ZNF462: variants seen among roughly 807,000 people sequenced by gnomAD.
ZNF462 encodes the protein zinc finger PBX1-interacting protein.
ZNF462 carries 10 observed loss-of-function variants against 201.9 expected under a neutral mutation model. The observed-to-expected ratio is 0.05, with a 90% CI of 0.03 to 0.08. The LOEUF (loss-of-function observed/expected upper bound fraction) is 0.08. ZNF462 is among the 10% of genes least tolerant of loss of function. The probability of loss-of-function intolerance (pLI) is 1.00; values close to 1 mark genes in which losing one functional copy is unlikely to be tolerated. For synonymous variants in ZNF462, 1,227 were observed against 1,193.3 expected, an observed-to-expected ratio of 1.03 and a Z score of -0.58; for missense variants, 2,523 against 3,168.3, an observed-to-expected ratio of 0.80 and a Z score of 4.89.
chr9:106,885,981 TG>T lies in ZNF462; in HGVS notation c.-31+22627del, dbSNP rs1218994200. On this transcript the variant is annotated intron_variant, in intron 1 of 12. Coordinates refer to ENST00000277225, the MANE Select transcript of ZNF462 (RefSeq NM_021224.6). The surrounding 1 kb of genome is among the most constrained non-coding windows in gnomAD (Gnocchi z 4.1). ...CCTCATCTAGATAGACGGGACTTTT[TG>T]TTTTCCCCAGGAAAAGGTAACGTAT... 6.6e-6 allele frequency among the ~76,000 whole-genome samples: 1 copy of T among 152,232 alleles called. No individual in the cohort carries two copies. The highest frequency in any genetic ancestry group is 1.5e-5 in the Non-Finnish European group (1 of 68,042).
rs1013187815 is a variant in ZNF462, at chr9:106,972,761, A to G, written c.6695+489A>G. Reference sequence around the variant, plus strand: ...GAATCAAGACCCTGGCACTTCCAACACTACACTTGAGCAATCATAGGGAGA... The same window carrying G: ...GAATCAAGACCCTGGCACTTCCAACGCTACACTTGAGCAATCATAGGGAGA... On this transcript the variant is annotated intron_variant, in intron 8 of 12. Coordinates refer to ENST00000277225, the MANE Select transcript of ZNF462 (RefSeq NM_021224.6). This position sits in a 1 kb window ranked among gnomAD's most constrained non-coding sequence, Gnocchi z 4.8. Among the ~76,000 whole-genome samples, 1 of 152,180 alleles carries G rather than the reference A, an allele frequency of 6.6e-6. No homozygotes were observed. Among genetic ancestry groups the G allele is most frequent in the African/African-American group, 2.4e-5 (1 of 41,444 alleles).
At position 106,929,814 on chromosome 9, in the gene ZNF462, C is replaced by G. The variant is rs2131519942; in HGVS notation, c.5847+55C>G. 1 of 1,486,370 alleles carries G rather than the reference C, an allele frequency of 6.7e-7. No individual in the cohort carries two copies. Among genetic ancestry groups the G allele is most frequent in the Middle Eastern group, 1.8e-4 (1 of 5,576 alleles). The allele number at this position is 1,486,370 out of a possible 1,614,324, so 92.1% of individuals were successfully genotyped here. ...CAGGAGGCCTCTCATCACTGGTGCC[C>G]ACATGCACTTCTTCGTTGCCAGCCA... On this transcript the variant is annotated intron_variant, in intron 3 of 12. Transcript: ENST00000277225. The surrounding 1 kb of genome is among the most constrained non-coding windows in gnomAD (Gnocchi z 8.7).
intron 1 of ZNF462, among the ~76,000 whole-genome samples, chr9:106,900,918 G>C (rs1233436117): frequency 2.0e-5 from 3 of 152,018 alleles, no homozygotes; most frequent in Non-Finnish European, 2.9e-5. Flanking sequence ...ATCTTTGTTT[G>C]TATTGCACTT....
chr9:106,955,446 CT>C (rs1186647254), intron 7 of ZNF462, among the ~76,000 whole-genome samples: 3 of 152,124 alleles, frequency 2.0e-5, no homozygotes, highest in Non-Finnish European at 4.4e-5. Context: ...CTCATAATCT[CT>C]TTGCTAATGA....
rs1007310752 is a variant in ZNF462, at chr9:107,012,829, T to C, written c.*1799T>C. 2 of 151,864 alleles carry C rather than the reference T, an allele frequency of 1.3e-5. No homozygotes were observed. The highest frequency in any genetic ancestry group is 2.9e-5 in the Non-Finnish European group (2 of 67,994). The allele number at this position is 151,864 out of a possible 1,614,324, so 9.4% of individuals were successfully genotyped here. On this transcript the variant is annotated 3_prime_UTR_variant, in exon 13 of 13. Coordinates refer to ENST00000277225, the MANE Select transcript of ZNF462 (RefSeq NM_021224.6). ...GCTTCAAATAAAATCCATGGAAAGA[T>C]GTTGCATTTGTGGAATAAGTGCTTA...
chr9:106,862,657 G>A (rs572040000), upstream of ZNF462, among the ~76,000 whole-genome samples: 1 of 152,016 alleles, frequency 6.6e-6, no homozygotes, highest in Admixed American at 6.5e-5. This position sits in a 1 kb window ranked among gnomAD's most constrained non-coding sequence, Gnocchi z 4.2. Context: ...CTGGCTCTGA[G>A]TGACAAAGAC....
chr9:106,880,543 G>A lies in ZNF462; in HGVS notation c.-31+17188G>A, dbSNP rs1028218591. Among the ~76,000 whole-genome samples, 1 of 152,180 alleles carries A rather than the reference G, an allele frequency of 6.6e-6. No individual in the cohort carries two copies. The highest frequency in any genetic ancestry group is 1.5e-5 in the Non-Finnish European group (1 of 68,038). On this transcript the variant is annotated intron_variant, in intron 1 of 12. Coordinates refer to ENST00000277225, the MANE Select transcript of ZNF462 (RefSeq NM_021224.6). This position sits in a 1 kb window ranked among gnomAD's most constrained non-coding sequence, Gnocchi z 4.1. ...CTCCTAACCCAAGTGTGGACTTTGT[G>A]TTTGTTTATGTTAAGTAGCTCTAAA...
rs74365259 is a variant in ZNF462 at position 106,865,409 on chromosome 9, G to T, written c.-31+2054G>T. On this transcript the variant is annotated intron_variant, in intron 1 of 12. Transcript: ENST00000277225. This position sits in a 1 kb window ranked among gnomAD's most constrained non-coding sequence, Gnocchi z 4.1. ...GAGATTTTTTTGAGTTCTAGGGTTT[G>T]GTTATCATCATGTTTTGATGCATTG... Among the ~76,000 whole-genome samples, 6,577 of 152,138 alleles carry T rather than the reference G, an allele frequency of 0.043. 184 individuals carry two copies. The highest frequency in any genetic ancestry group is 0.066 in the Non-Finnish European group (4,515 of 67,988).
chr9:106,889,450 A>G (rs1351681777), intron 1 of ZNF462, among the ~76,000 whole-genome samples: 1 of 152,164 alleles, frequency 6.6e-6, no homozygotes, highest in Non-Finnish European at 1.5e-5. Context: ...AAAAGGGAAC[A>G]GGGCTGGAGA....
At chr9:106,864,039 G>GCTCTCT (rs773917122) in intron 1 of ZNF462, among the ~76,000 whole-genome samples, 13 of 22,754 alleles carry the variant, frequency 5.7e-4, no homozygotes, top group Non-Finnish European at 9.1e-4. Context: ...CAGGTATTTG[G>GCTCTCT]CTCTCTCTCT....
chr9:106,968,449 A>G lies in ZNF462; in HGVS notation c.6428-3556A>G, dbSNP rs1285885844. Among the ~76,000 whole-genome samples the G allele has an allele frequency of 6.6e-6, 1 of 152,246 alleles. No individual in the cohort carries two copies. The highest frequency in any genetic ancestry group is 1.5e-5 in the Non-Finnish European group (1 of 68,036). On this transcript the variant is annotated intron_variant, in intron 7 of 12. Transcript: ENST00000277225. The surrounding 1 kb of genome is among the most constrained non-coding windows in gnomAD (Gnocchi z 4.0). ...TTAAATTTATTTTATAACTACAATT[A>G]TACATTATAATTTCATTTCTAAAAC...
intron 1 of ZNF462, among the ~76,000 whole-genome samples, chr9:106,866,328 G>C (rs1484674786): frequency 6.6e-6 from 1 of 152,158 alleles, no homozygotes; most frequent in Non-Finnish European, 1.5e-5. Context: ...ATTATATTCT[G>C]TTGAGTAGCT....
intron 7 of ZNF462, among the ~76,000 whole-genome samples, chr9:106,942,507 G>A (rs1203335967): frequency 6.6e-6 from 1 of 152,162 alleles, no homozygotes; most frequent in Non-Finnish European, 1.5e-5. Flanking sequence ...TATGGTATTG[G>A]TTTTGTGTAT....
chr9:106,961,536 T>C (rs185260563), intron 7 of ZNF462, among the ~76,000 whole-genome samples: 5 of 133,470 alleles, frequency 3.7e-5, no homozygotes, highest in African/African-American at 6.9e-5. Flanking sequence ...GTTTGTACTC[T>C]TTTTTTTTTT....
intron 1 of ZNF462, among the ~76,000 whole-genome samples, chr9:106,908,920 TATATATATATATATATATATA>T (rs1436692986): frequency 1.6e-4 from 4 of 25,714 alleles, no homozygotes; most frequent in Admixed American, 3.4e-4. Context: ...CATATATATA[TATATATATATATATATATATA>T]TTTTTTTTTT....
chr9:107,009,195 T>C lies in ZNF462; in HGVS notation c.7190-350T>C, dbSNP rs1461377795. On this transcript the variant is annotated intron_variant, in intron 11 of 12. Coordinates refer to ENST00000277225, the MANE Select transcript of ZNF462 (RefSeq NM_021224.6). The surrounding 1 kb of genome is among the most constrained non-coding windows in gnomAD (Gnocchi z 6.1). ...GATGCTAGCCTGTGAGGCACTGATA[T>C]AAATCATCACACAAGGGAGAGAATA... 4.3e-6 allele frequency: 1 copy of C among 233,196 alleles called. No homozygotes were observed. Among genetic ancestry groups the C allele is most frequent in the Non-Finnish European group, 8.5e-6 (1 of 118,314 alleles). 14.4% of individuals were successfully genotyped at this position (233,196 alleles called of 1,614,324 possible). A position where few individuals can be genotyped will look rare whatever the true frequency, so the allele number is the denominator to read the frequency against.
intron 1 of ZNF462, among the ~76,000 whole-genome samples, chr9:106,866,441 G>T (rs1337447072): frequency 6.6e-6 from 1 of 152,148 alleles, no homozygotes; most frequent in African/African-American, 2.4e-5. Flanking sequence ...GTTCTTCTGA[G>T]GGGTGTGAAA....
intron 7 of ZNF462, among the ~76,000 whole-genome samples, chr9:106,967,403 G>A (rs565982460): frequency 6.6e-6 from 1 of 151,842 alleles, no homozygotes; most frequent in Admixed American, 6.6e-5. Context: ...CCTTTATAAA[G>A]TCAAATTTCT....
chr9:106,898,901 T>C (rs537522206), intron 1 of ZNF462, among the ~76,000 whole-genome samples: 69 of 151,862 alleles, frequency 4.5e-4, no homozygotes, highest in Admixed American at 2.2e-3. Context: ...GTAAGGAACA[T>C]GAAAGCAGTT....
Sources: allele counts gnomAD v4.1 joint callset (sites outside exome capture counted in the v4.1 genomes callset), GRCh38; gene constraint gnomAD v4.1.1; non-coding constraint Gnocchi (gnomAD v3.1); transcripts MANE v1.5; gene names NCBI Gene and HGNC (gene_info 2026-07-23, HGNC 2026-07-21).